Variants in ARID3A observed in about 807,000 individuals in gnomAD.
ARID3A encodes the protein AT-rich interactive domain-containing protein 3A.
A neutral mutation model predicts 52.7 loss-of-function variants in ARID3A; 11 were observed. That is an observed-to-expected ratio of 0.21 (90% CI 0.13 to 0.35). ARID3A has a LOEUF of 0.35. Among genes scored for constraint, ARID3A ranks in the 10% least tolerant of loss-of-function variants. The pLI is 1.00. For missense variants in ARID3A, 721 were observed against 838.5 expected (o/e 0.86, Z 1.73); for synonymous variants, 404 against 359.4 (o/e 1.12, Z -1.40).
chr19:974,883 G>GCCCCCCC lies in ARID3A; in HGVS notation c.*2819_*2820insCCCCCCC. On this transcript the variant is annotated 3_prime_UTR_variant, in exon 9 of 9. Coordinates refer to ENST00000263620, the MANE Select transcript of ARID3A (RefSeq NM_005224.3). ...GACAGGCGGGGTGGGTGGGGGGTGGGCGCGAGGCTGGGTCCCGGCCCAGGA... is the reference window on the plus strand; with the variant it reads ...GACAGGCGGGGTGGGTGGGGGGTGGGCCCCCCCCGCGAGGCTGGGTCCCGGCCCAGGA... 1 of 165,684 alleles carries GCCCCCCC rather than the reference G, an allele frequency of 6.0e-6. No individual in the cohort carries two copies. Among genetic ancestry groups the GCCCCCCC allele is most frequent in the East Asian group, 1.2e-4 (1 of 8,328 alleles). The allele number at this position is 165,684 out of a possible 1,614,324, so 10.3% of individuals were successfully genotyped here.
At chr19:933,143 C>T (rs1040021670) in intron 3 of ARID3A, among the ~76,000 whole-genome samples, 1 of 152,176 alleles carries the variant, frequency 6.6e-6, no homozygotes, top group Admixed American at 6.5e-5. Flanking sequence ...GTGACTTGGC[C>T]TCCTCTGTCC....
In ARID3A at chr19:960,289, C is replaced by T. The variant is rs1365899801; in HGVS notation, c.766+125C>T. 2 of 804,778 alleles carry T rather than the reference C, an allele frequency of 2.5e-6. No individual in the cohort carries two copies. The highest frequency in any genetic ancestry group is 3.8e-6 in the Non-Finnish European group (2 of 532,342). 49.9% of individuals were successfully genotyped at this position (804,778 alleles called of 1,614,324 possible). ...CCCGTGGCTGGAGGCATCCAAGGCT[C>T]CTAAATCGGGAGGGACTTCAGGGGT... On this transcript the variant is annotated intron_variant, in intron 4 of 8. Coordinates refer to ENST00000263620, the MANE Select transcript of ARID3A (RefSeq NM_005224.3). This position sits in a 1 kb window ranked among gnomAD's most constrained non-coding sequence, Gnocchi z 4.3.
intron 3 of ARID3A, among the ~76,000 whole-genome samples, chr19:943,832 G>T (rs149461042): frequency 7.2e-5 from 11 of 152,342 alleles, no homozygotes; most frequent in Non-Finnish European, 1.3e-4. Context: ...GTGCCTCCCT[G>T]GGCACACATG....
At chr19:954,254 C>G (rs2037867247) in intron 3 of ARID3A, among the ~76,000 whole-genome samples, 1 of 152,180 alleles carries the variant, frequency 6.6e-6, no homozygotes, top group Non-Finnish European at 1.5e-5. Context: ...GGTGGCTTGG[C>G]TCCACGCGCT....
At chr19:926,995 C>A (rs1019545146) in intron 1 of ARID3A, among the ~76,000 whole-genome samples, 1 of 151,880 alleles carries the variant, frequency 6.6e-6, no homozygotes, top group Non-Finnish European at 1.5e-5. Context: ...TCCTCCAGGC[C>A]CCCCCAACCC....
intron 2 of ARID3A, among the ~76,000 whole-genome samples, chr19:931,594 C>T (rs1162915939): frequency 3.9e-5 from 6 of 152,040 alleles, no homozygotes; most frequent in Non-Finnish European, 8.8e-5. Context: ...GGGCGGATCA[C>T]GAGGTCAGGA....
Position 929,807 on chromosome 19 carries a change from G to A in ARID3A, c.279G>A (p.Ala93=), listed in dbSNP as rs766530518. 17 of 1,545,940 alleles carry A rather than the reference G, an allele frequency of 1.1e-5. No individual in the cohort carries two copies. Among genetic ancestry groups the A allele is most frequent in the East Asian group, 2.4e-5 (1 of 41,330 alleles). Residue 93 remains alanine, a synonymous_variant, in exon 2 of 9, where the codon GCG becomes GCA. Coordinates refer to ENST00000263620, the MANE Select transcript of ARID3A (RefSeq NM_005224.3). The surrounding 1 kb of genome is among the most constrained non-coding windows in gnomAD (Gnocchi z 6.2). ...CCCCAGGCTCGGAGGAGGAGGACGCGGCCCGGGAGGGGACACCGGGCTCAC... is the reference window on the plus strand; with the variant it reads ...CCCCAGGCTCGGAGGAGGAGGACGCAGCCCGGGAGGGGACACCGGGCTCAC... ...DGPPGSEEED[A]AREGTPGSPG... is the part of the protein sequence containing the mutation.
chr19:946,895 G>A lies in ARID3A; in HGVS notation c.694-13197G>A, dbSNP rs1041647930. The stretch of plus-strand genomic sequence containing the variant: ...TGCAGCCTCGAGCTCCTGGGCTCAC[G>A]TGATCCTCCTGCCTCAGCCCCCTGA... On this transcript the variant is annotated intron_variant, in intron 3 of 8. Transcript: ENST00000263620. Among the ~76,000 whole-genome samples, 18 of 152,058 alleles carry A rather than the reference G, an allele frequency of 1.2e-4. No individual in the cohort carries two copies. The East Asian group carries it at 3.3e-3, about 28-fold the overall frequency.
At chr19:933,410 C>G (rs550794417) in intron 3 of ARID3A, among the ~76,000 whole-genome samples, 3 of 152,088 alleles carry the variant, frequency 2.0e-5, no homozygotes, top group Non-Finnish European at 2.9e-5. Context: ...GAAGTTGGGC[C>G]GTGCTGGGCC....
chr19:951,676 G>A (rs905245911), intron 3 of ARID3A, among the ~76,000 whole-genome samples: 5 of 152,204 alleles, frequency 3.3e-5, no homozygotes, highest in Non-Finnish European at 5.9e-5. Flanking sequence ...CGCTGGGTGC[G>A]TGGGCGCCTG....
intron 3 of ARID3A, among the ~76,000 whole-genome samples, chr19:937,190 G>C (rs749935060): frequency 6.7e-6 from 1 of 150,092 alleles, no homozygotes; most frequent in African/African-American, 2.5e-5. Context: ...CTTGAACCCG[G>C]GAGGCGGAGA....
At chr19:968,015 A>T (rs1478885875) in intron 7 of ARID3A, among the ~76,000 whole-genome samples, 3 of 148,452 alleles carry the variant, frequency 2.0e-5, no homozygotes, top group African/African-American at 7.5e-5. Flanking sequence ...ACTGCACTCC[A>T]GCCTGGGTGA....
intron 3 of ARID3A, among the ~76,000 whole-genome samples, chr19:933,313 C>G (rs1017367262): frequency 2.6e-5 from 4 of 152,132 alleles, no homozygotes; most frequent in Admixed American, 2.6e-4. Context: ...TCTCAGGGAC[C>G]CCAGGCTGAA....
chr19:969,581 G>T (rs1045495695), intron 8 of ARID3A, among the ~76,000 whole-genome samples: 2 of 151,332 alleles, frequency 1.3e-5, no homozygotes, highest in Non-Finnish European at 2.9e-5. Context: ...GATAGATATA[G>T]CTGTAGCTAT....
chr19:931,560 C>G (rs2145351945), intron 2 of ARID3A, among the ~76,000 whole-genome samples: 1 of 152,100 alleles, frequency 6.6e-6, no homozygotes, highest in African/African-American at 2.4e-5. Flanking sequence ...CGCCTGTAAT[C>G]CCAGCACTTT....
intron 3 of ARID3A, among the ~76,000 whole-genome samples, chr19:951,682 G>A (rs999486865): frequency 3.9e-5 from 6 of 152,202 alleles, no homozygotes; most frequent in East Asian, 1.9e-4. Context: ...GTGCGTGGGC[G>A]CCTGGGAGGC....
At chr19:963,502 C>T (rs541041855) in intron 4 of ARID3A, among the ~76,000 whole-genome samples, 1 of 152,292 alleles carries the variant, frequency 6.6e-6, no homozygotes, top group East Asian at 1.9e-4. Flanking sequence ...GGTGCAGGGG[C>T]AGCCTGGGAG....
At chr19:949,922 C>T (rs1214863265) in intron 3 of ARID3A, among the ~76,000 whole-genome samples, 1 of 152,074 alleles carries the variant, frequency 6.6e-6, no homozygotes, top group Non-Finnish European at 1.5e-5. Context: ...CTGCCCACCT[C>T]GGCCTCCCAA....
chr19:929,928 G>C lies in ARID3A; in HGVS notation c.368+32G>C, dbSNP rs757899418. 2.7e-4 allele frequency: 415 copies of C among 1,536,540 alleles called. No homozygotes were observed. The highest frequency in any genetic ancestry group is 3.4e-4 in the Non-Finnish European group (394 of 1,146,534). ...TGGGGTCTGGGGCAGGGCCTTCTGGGGGCTGTTACTGGCTCTGAGTGTCAC... is the reference window on the plus strand; with the variant it reads ...TGGGGTCTGGGGCAGGGCCTTCTGGCGGCTGTTACTGGCTCTGAGTGTCAC... On this transcript the variant is annotated intron_variant, in intron 2 of 8. Coordinates refer to ENST00000263620, the MANE Select transcript of ARID3A (RefSeq NM_005224.3). This position sits in a 1 kb window ranked among gnomAD's most constrained non-coding sequence, Gnocchi z 6.2.
Sources: gnomAD v4.1 joint callset for allele counts (sites outside exome capture counted in the v4.1 genomes callset) on GRCh38, gnomAD v4.1.1 for gene constraint, Gnocchi (gnomAD v3.1) non-coding constraint, MANE v1.5 for transcripts, NCBI Gene and HGNC (gene_info 2026-07-23, HGNC 2026-07-21) for gene names.